The following LMTK2 variants were observed in gnomAD, a reference collection of about 807,000 sequenced individuals.
LMTK2 encodes the protein lemur tail kinase 2, also known as serine/threonine-protein kinase LMTK2.
LMTK2 carries 37 observed loss-of-function variants against 127.5 expected under a neutral mutation model. The ratio of observed to expected loss-of-function variants is 0.29; its 90% confidence interval spans 0.22 to 0.38. The LOEUF is 0.38. LMTK2 is among the 10% of genes least tolerant of loss of function. The probability of loss-of-function intolerance (pLI) is 1.00; values close to 1 mark genes in which losing one functional copy is unlikely to be tolerated. For synonymous variants in LMTK2, 819 were observed against 810.1 expected, an observed-to-expected ratio of 1.01 and a Z score of -0.19; for missense variants, 1,694 against 1,920.3, an observed-to-expected ratio of 0.88 and a Z score of 2.20.
At chr7:98,112,571 G>A (rs754930924) in intron 1 of LMTK2, among the ~76,000 whole-genome samples, 2 of 152,224 alleles carry the variant, frequency 1.3e-5, no homozygotes, top group African/African-American at 2.4e-5. Flanking sequence ...GGACAGCACA[G>A]AAGAGAACTT....
Position 98,107,153 on chromosome 7 carries a change from G to A in LMTK2, c.-25G>A. The A allele has an allele frequency of 2.8e-6, 4 of 1,417,740 alleles. No homozygotes were observed. The highest frequency in any genetic ancestry group is 3.7e-6 in the Non-Finnish European group (4 of 1,092,914). 87.8% of individuals were successfully genotyped at this position (1,417,740 alleles called of 1,614,324 possible). Reference sequence around the variant, plus strand: ...CGGACGGAAGGCGACTCGAGGGCCGGCCCCGGAGCCGCGCCGTGGGCGAGA... The same window carrying A: ...CGGACGGAAGGCGACTCGAGGGCCGACCCCGGAGCCGCGCCGTGGGCGAGA... On this transcript the variant is annotated 5_prime_UTR_variant, in exon 1 of 14. Coordinates refer to ENST00000297293, the MANE Select transcript of LMTK2 (RefSeq NM_014916.4).
intron 11 of LMTK2, among the ~76,000 whole-genome samples, chr7:98,199,302 G>A: frequency 6.6e-6 from 1 of 152,164 alleles, no homozygotes. Flanking sequence ...GAGAGAGGTT[G>A]TTGAAGTCTC....
At chr7:98,181,011 G>A (rs1015328101) in intron 7 of LMTK2, among the ~76,000 whole-genome samples, 15 of 152,030 alleles carry the variant, frequency 9.9e-5, no homozygotes, top group East Asian at 3.9e-4. Flanking sequence ...GCCCTTCTGC[G>A]GAGCCCTTCT....
chr7:98,130,665 A>C (rs1391562460), intron 1 of LMTK2, among the ~76,000 whole-genome samples: 1 of 152,174 alleles, frequency 6.6e-6, no homozygotes, highest in African/African-American at 2.4e-5. Flanking sequence ...AAATTTGGAC[A>C]CAGACACACG....
rs1369635661 is a variant in LMTK2, at chr7:98,171,581, T to C, written c.698T>C (p.Met233Thr). ...TATCTGCGCAGCGAGCAGGAGCACA[T>C]GCGGGGGGACTCACAGACCATGCTG... ...KAYLRSEQEH[M>T]RGDSQTMLLQ... Residue 233 changes from methionine to threonine, a missense_variant, in exon 7 of 14, where the codon ATG becomes ACG. Transcript: ENST00000297293. This position sits in a 1 kb window ranked among gnomAD's most constrained non-coding sequence, Gnocchi z 5.1. 3.1e-6 allele frequency: 5 copies of C among 1,613,556 alleles called. No individual in the cohort carries two copies. Among genetic ancestry groups the C allele is most frequent in the Non-Finnish European group, 2.5e-6 (3 of 1,179,976 alleles).
intron 1 of LMTK2, among the ~76,000 whole-genome samples, chr7:98,112,703 G>C (rs144713305): frequency 6.6e-6 from 1 of 152,162 alleles, no homozygotes; most frequent in African/African-American, 2.4e-5. Context: ...CTGATTCTTC[G>C]TGAACTCCCA....
chr7:98,203,471 T>G, intron 11 of LMTK2, 103 bp from the exon 12 acceptor site: 1 of 1,417,604 alleles, frequency 7.1e-7, no homozygotes, highest in South Asian at 1.5e-5. Context: ...GACGCTTACT[T>G]CTCAGTCGAT....
chr7:98,204,128 C>G lies in LMTK2; in HGVS notation c.4425C>G (p.Pro1475=). Residue 1475 remains proline (P), a synonymous_variant, in exon 13 of 14, where the codon CCC becomes CCG. Transcript: ENST00000297293. ...SAPYSRFSIS[P]ANIASFSLTH... is the part of the protein sequence containing the mutation. Reference sequence around the variant, plus strand: ...CTTACTCCCGGTTCTCCATCTCTCCCGCCAACATTGCCAGCTTTTCCCTCA... The same window carrying G: ...CTTACTCCCGGTTCTCCATCTCTCCGGCCAACATTGCCAGCTTTTCCCTCA... 8.7e-6 allele frequency: 14 copies of G among 1,612,000 alleles called. No homozygotes were observed. Among genetic ancestry groups the G allele is most frequent in the Non-Finnish European group, 1.1e-5 (13 of 1,180,022 alleles).
chr7:98,163,683 A>G (rs1387151253), intron 6 of LMTK2, among the ~76,000 whole-genome samples: 1 of 152,198 alleles, frequency 6.6e-6, no homozygotes, highest in African/African-American at 2.4e-5. Context: ...ATCTACTTGA[A>G]GGGACCGAGG....
chr7:98,165,519 A>G (rs1313523431), intron 6 of LMTK2, among the ~76,000 whole-genome samples: 1 of 152,110 alleles, frequency 6.6e-6, no homozygotes, highest in African/African-American at 2.4e-5. Context: ...GTCTCACTAT[A>G]TTGCCCAGGC....
At chr7:98,200,756 C>T (rs188736507) in intron 11 of LMTK2, among the ~76,000 whole-genome samples, 1 of 152,318 alleles carries the variant, frequency 6.6e-6, no homozygotes, top group Admixed American at 6.5e-5. Flanking sequence ...CTCTAGATTA[C>T]TTATAATGCC....
intron 9 of LMTK2, 71 bp from the exon 10 acceptor site, chr7:98,190,657 G>A (rs930182265): frequency 7.2e-7 from 1 of 1,392,422 alleles, no homozygotes; most frequent in Non-Finnish European, 1.0e-6. Context: ...TACTGGCTAT[G>A]TAACAAGTAT....
chr7:98,154,675 C>A, intron 4 of LMTK2, 83 bp from the exon 5 acceptor site: 1 of 849,938 alleles, frequency 1.2e-6, no homozygotes, highest in Non-Finnish European at 2.0e-6. Flanking sequence ...ACTTGTTCAC[C>A]TGTGTTCCAT....
rs144616967 is a variant in LMTK2 at position 98,143,785 on chromosome 7, T to C, written c.376+2244T>C. 2.0e-5 allele frequency among the ~76,000 whole-genome samples: 3 copies of C among 152,354 alleles called. No individual in the cohort carries two copies. The East Asian group carries it at 5.8e-4, about 29-fold the overall frequency. On this transcript the variant is annotated intron_variant, in intron 3 of 13. Coordinates refer to ENST00000297293, the MANE Select transcript of LMTK2 (RefSeq NM_014916.4). ...TCGAGCAGTTCCACTTTTAGTAATT[T>C]ATCTTTAGGAACTAATTGGGCAAGT...
intron 8 of LMTK2, among the ~76,000 whole-genome samples, chr7:98,186,383 A>G (rs1797434041): frequency 6.6e-6 from 1 of 151,962 alleles, no homozygotes; most frequent in Non-Finnish European, 1.5e-5. Flanking sequence ...TTTAATCCTC[A>G]CCGCAGAGGG....
At chr7:98,184,417 G>A (rs1301398059) in intron 7 of LMTK2, among the ~76,000 whole-genome samples, 1 of 151,830 alleles carries the variant, frequency 6.6e-6, no homozygotes, top group African/African-American at 2.4e-5. Flanking sequence ...CTTTATTGTC[G>A]CCTGACAGTC....
intron 11 of LMTK2, 127 bp from the exon 12 acceptor site, chr7:98,203,447 C>CG: frequency 7.9e-7 from 1 of 1,269,422 alleles, no homozygotes; most frequent in Non-Finnish European, 1.1e-6. Flanking sequence ...GGCCTGGAGC[C>CG]GCCCTTGTCT....
At chr7:98,162,444 A>G (rs183582105) in intron 6 of LMTK2, among the ~76,000 whole-genome samples, 7 of 152,336 alleles carry the variant, frequency 4.6e-5, no homozygotes, top group Admixed American at 3.3e-4. Flanking sequence ...TAAGTATTCA[A>G]AGCATATTAA....
At chr7:98,126,041 C>CT (rs1391353687) in intron 1 of LMTK2, among the ~76,000 whole-genome samples, 1 of 152,174 alleles carries the variant, frequency 6.6e-6, no homozygotes, top group Admixed American at 6.5e-5. Flanking sequence ...TTAAGTTAGG[C>CT]TTTAGGAAGC....
Sources: gnomAD v4.1 joint callset for allele counts (sites outside exome capture counted in the v4.1 genomes callset) on GRCh38, gnomAD v4.1.1 for gene constraint, Gnocchi (gnomAD v3.1) non-coding constraint, MANE v1.5 for transcripts, NCBI Gene and HGNC (gene_info 2026-07-23, HGNC 2026-07-21) for gene names.